The following ARHGAP15 variants were observed in gnomAD, a reference collection of about 807,000 sequenced individuals.
ARHGAP15 encodes Rho GTPase activating protein 15, also known as rho GTPase-activating protein 15.
In ARHGAP15, 51 loss-of-function variants were observed where a neutral mutation model predicts 63.7. The observed-to-expected ratio is 0.80, with a 90% CI of 0.64 to 1.01. The LOEUF is 1.01. ARHGAP15 is among the 50% of genes least tolerant of loss of function. The pLI is 0.00. For missense variants in ARHGAP15, 560 were observed against 564.6 expected, an observed-to-expected ratio of 0.99 and a Z score of 0.08; for synonymous variants, 191 against 193.8, an observed-to-expected ratio of 0.99 and a Z score of 0.12.
chr2:143,148,658 A>G (rs1258265349), intron 1 of ARHGAP15, among the ~76,000 whole-genome samples: 3 of 152,048 alleles, frequency 2.0e-5, no homozygotes, highest in Non-Finnish European at 2.9e-5. Flanking sequence ...AAATGCAAAA[A>G]CTTATTATCA....
intron 8 of ARHGAP15, among the ~76,000 whole-genome samples, chr2:143,478,925 G>A (rs950545357): frequency 6.6e-6 from 1 of 152,108 alleles, no homozygotes; most frequent in Non-Finnish European, 1.5e-5. Context: ...ATACATTATA[G>A]CATATTCTTT....
intron 9 of ARHGAP15, among the ~76,000 whole-genome samples, chr2:143,503,563 T>C (rs1298306701): frequency 6.6e-6 from 1 of 152,240 alleles, no homozygotes; most frequent in Admixed American, 6.5e-5. Context: ...ACAATAGCTA[T>C]TGATGGTTAT....
intron 11 of ARHGAP15, among the ~76,000 whole-genome samples, chr2:143,587,300 C>T (rs1393436066): frequency 3.3e-5 from 5 of 152,080 alleles, no homozygotes; most frequent in Admixed American, 6.6e-5. Context: ...TCTATTTTTA[C>T]AGTATTTCAC....
chr2:143,232,949 CT>C (rs1408801169), intron 5 of ARHGAP15, among the ~76,000 whole-genome samples: 1 of 151,948 alleles, frequency 6.6e-6, no homozygotes, highest in African/African-American at 2.4e-5. Flanking sequence ...TGTTTCTGCT[CT>C]GTTAGTATAG....
intron 6 of ARHGAP15, among the ~76,000 whole-genome samples, chr2:143,397,128 T>C (rs967353127): frequency 3.9e-5 from 6 of 152,114 alleles, no homozygotes; most frequent in African/African-American, 1.4e-4. Context: ...TATGTACAGA[T>C]GGAAGTAGAT....
In ARHGAP15 at chr2:143,742,905, A is replaced by T. The variant is rs370673017; in HGVS notation, c.1245-25084A>T. On this transcript the variant is annotated intron_variant, in intron 13 of 13. Transcript: ENST00000295095. The stretch of plus-strand genomic sequence containing the variant: ...ATATTCTCCTTCACAGACTTTTCTC[A>T]CTGCCAGCTGTCTTTATTCTCCTGC... Among the ~76,000 whole-genome samples, 80 of 152,272 alleles carry T rather than the reference A, an allele frequency of 5.3e-4. 1 individual carries two copies. The highest frequency in any genetic ancestry group is 1.8e-3 in the African/African-American group (75 of 41,570).
chr2:143,417,146 G>A (rs1298899372), intron 6 of ARHGAP15, among the ~76,000 whole-genome samples: 1 of 151,842 alleles, frequency 6.6e-6, no homozygotes, highest in Non-Finnish European at 1.5e-5. Flanking sequence ...TTCAACCTGG[G>A]TCTCGGGGGG....
At chr2:143,348,345 T>A (rs532975804) in intron 6 of ARHGAP15, among the ~76,000 whole-genome samples, 1 of 152,326 alleles carries the variant, frequency 6.6e-6, no homozygotes, top group East Asian at 1.9e-4. Context: ...TCTGAAATAA[T>A]GTTCTACTCT....
chr2:143,575,749 G>T (rs1029376211), intron 11 of ARHGAP15, among the ~76,000 whole-genome samples: 1 of 152,150 alleles, frequency 6.6e-6, no homozygotes, highest in Non-Finnish European at 1.5e-5. Context: ...TTCTGGAAAT[G>T]TTAGCCTGAA....
intron 13 of ARHGAP15, among the ~76,000 whole-genome samples, chr2:143,761,064 T>C (rs958226148): frequency 6.6e-6 from 1 of 152,128 alleles, no homozygotes; most frequent in African/African-American, 2.4e-5. Context: ...GAATTTCTGC[T>C]AAGTCCTCAA....
chr2:143,232,420 G>A (rs1056348756), intron 5 of ARHGAP15, among the ~76,000 whole-genome samples: 6 of 152,064 alleles, frequency 3.9e-5, no homozygotes, highest in Non-Finnish European at 4.4e-5. Flanking sequence ...AAAACCACTC[G>A]TGTCCCTAGA....
intron 12 of ARHGAP15, among the ~76,000 whole-genome samples, chr2:143,654,245 TAA>T (rs1429398356): frequency 6.6e-6 from 1 of 152,160 alleles, no homozygotes; most frequent in Non-Finnish European, 1.5e-5. Flanking sequence ...AAGTAAATTT[TAA>T]AATAATGGTA....
intron 11 of ARHGAP15, chr2:143,607,836 G>A (rs1337557231): frequency 6.6e-6 from 1 of 152,130 alleles, no homozygotes; most frequent in Admixed American, 6.6e-5. Context: ...CCCCACTGAA[G>A]GGCTTCATTT....
intron 5 of ARHGAP15, among the ~76,000 whole-genome samples, chr2:143,242,686 C>CA (rs546781491): frequency 8.7e-4 from 132 of 152,212 alleles, no homozygotes; most frequent in African/African-American, 3.0e-3. Context: ...TTATTAACAT[C>CA]ATTTATATTC....
chr2:143,613,483 G>A (rs183737642), intron 11 of ARHGAP15, among the ~76,000 whole-genome samples: 3 of 152,098 alleles, frequency 2.0e-5, no homozygotes, highest in Non-Finnish European at 2.9e-5. Context: ...CCCTTTTGTA[G>A]CATCCGTAAA....
intron 8 of ARHGAP15, among the ~76,000 whole-genome samples, chr2:143,444,938 T>G (rs553385756): frequency 6.6e-6 from 1 of 152,252 alleles, no homozygotes; most frequent in South Asian, 2.1e-4. Context: ...AATACATCTT[T>G]CTTTGGTTAT....
intron 6 of ARHGAP15, among the ~76,000 whole-genome samples, chr2:143,328,570 A>C (rs768780084): frequency 1.3e-5 from 2 of 152,058 alleles, no homozygotes; most frequent in Non-Finnish European, 2.9e-5. Context: ...AACATCACAC[A>C]CCAGAGCCTG....
At chr2:143,561,982 T>G (rs1340541074) in intron 11 of ARHGAP15, among the ~76,000 whole-genome samples, 1 of 152,210 alleles carries the variant, frequency 6.6e-6, no homozygotes, top group African/African-American at 2.4e-5. Flanking sequence ...TGAGAGGATT[T>G]TTTTCATTAA....
At chr2:143,397,321 T>C (rs796728626) in intron 6 of ARHGAP15, among the ~76,000 whole-genome samples, 36,524 of 143,946 alleles carry the variant, frequency 0.25, 5,504 homozygotes, top group Non-Finnish European at 0.34. Flanking sequence ...TATGTATGTG[T>C]GTGTGTGTGT....
Sources: gnomAD v4.1 joint callset for allele counts (sites outside exome capture counted in the v4.1 genomes callset) on GRCh38, gnomAD v4.1.1 for gene constraint, MANE v1.5 for transcripts, NCBI Gene and HGNC (gene_info 2026-07-23, HGNC 2026-07-21) for gene names.